The following ZFAT variants were observed in gnomAD, a reference collection of about 807,000 sequenced individuals.
ZFAT encodes zinc finger and AT-hook domain containing, also known as zinc finger protein ZFAT.
ZFAT carries 64 observed loss-of-function variants against 117.7 expected under a neutral mutation model. That is an observed-to-expected ratio of 0.54 (90% confidence interval 0.44 to 0.67). The LOEUF is 0.67. ZFAT is among the 30% of genes least tolerant of loss of function. The pLI is 0.00. For missense variants in ZFAT, 1,433 were observed against 1,584.5 expected (o/e 0.90, Z 1.62); for synonymous variants, 679 against 615.0 (o/e 1.10, Z -1.54).
At chr8:134,671,385 C>T (rs1832555218) in intron 1 of ZFAT, among the ~76,000 whole-genome samples, 2 of 152,200 alleles carry the variant, frequency 1.3e-5, no homozygotes, top group South Asian at 4.1e-4. Context: ...TCCGGCAGCA[C>T]ATCAAAAAGC....
At chr8:134,491,476 T>G (rs1303132467) in intron 15 of ZFAT, among the ~76,000 whole-genome samples, 2 of 152,252 alleles carry the variant, frequency 1.3e-5, no homozygotes, top group Non-Finnish European at 2.9e-5. Flanking sequence ...AAATGTATCA[T>G]TTTTCAGTTC....
In ZFAT at chr8:134,540,696, T is replaced by A. The variant is rs1822185649; in HGVS notation, c.2977-7724A>T. ...GTAAAAAGACTTTTAAAATGTTGCA[T>A]GTTAAGCCACTTAGAAACACTAACC... On this transcript the variant is annotated intron_variant, in intron 11 of 15. Transcript: ENST00000377838. Among the ~76,000 whole-genome samples, 3 of 152,258 alleles carry A rather than the reference T, an allele frequency of 2.0e-5. No homozygotes were observed. In the South Asian group the frequency reaches 6.2e-4, roughly 31 times the overall value.
At chr8:134,734,096 G>T in the ZFAT span, among the ~76,000 whole-genome samples, 1 of 152,248 alleles carries the variant, frequency 6.6e-6, no homozygotes, top group Non-Finnish European at 1.5e-5. Context: ...TTTTTGCCAT[G>T]ACGCTGCTGT....
chr8:134,782,810 G>A, the ZFAT span, among the ~76,000 whole-genome samples: 39 of 151,796 alleles, frequency 2.6e-4, no homozygotes, highest in Non-Finnish European at 4.9e-4. Context: ...ACCCAGTCTC[G>A]GGTATGTCTT....
At chr8:134,809,798 T>C in the ZFAT span, among the ~76,000 whole-genome samples, 12 of 152,314 alleles carry the variant, frequency 7.9e-5, no homozygotes, top group East Asian at 7.7e-4. Context: ...TATTAAACTA[T>C]AGGGCATTCA....
At chr8:134,651,835 C>T (rs1831265436) in intron 2 of ZFAT, among the ~76,000 whole-genome samples, 1 of 152,012 alleles carries the variant, frequency 6.6e-6, no homozygotes, top group Non-Finnish European at 1.5e-5. Flanking sequence ...TACCTGGATG[C>T]ATCACAGTAA....
At chr8:134,758,916 C>T in the ZFAT span, among the ~76,000 whole-genome samples, 27 of 152,208 alleles carry the variant, frequency 1.8e-4, no homozygotes, top group Middle Eastern at 3.4e-3. Context: ...TGATGTGGTG[C>T]TCCACCTTTG....
At chr8:134,661,528 G>C (rs1831932037) in intron 1 of ZFAT, among the ~76,000 whole-genome samples, 1 of 152,236 alleles carries the variant, frequency 6.6e-6, no homozygotes, top group Non-Finnish European at 1.5e-5. Flanking sequence ...ATTGGAAACA[G>C]CATCTGGCTA....
chr8:134,749,531 A>G, the ZFAT span, among the ~76,000 whole-genome samples: 23 of 152,110 alleles, frequency 1.5e-4, no homozygotes, highest in Non-Finnish European at 2.9e-4. Context: ...GCCCTCATCA[A>G]TCACCTCCCA....
At chr8:134,817,394 T>TACACACACACACAC in the ZFAT span, among the ~76,000 whole-genome samples, 1 of 125,980 alleles carries the variant, frequency 7.9e-6, no homozygotes, top group Non-Finnish European at 1.7e-5. Flanking sequence ...TCTCTCTCTC[T>TACACACACACACAC]ACACACACAC....
chr8:134,629,151 G>A (rs566554764), intron 3 of ZFAT, among the ~76,000 whole-genome samples: 16 of 152,270 alleles, frequency 1.1e-4, no homozygotes, highest in Admixed American at 6.5e-4. Context: ...GGGATGTGAC[G>A]GGGATGTTTC....
At chr8:134,517,986 G>A (rs1158952653) in intron 13 of ZFAT, among the ~76,000 whole-genome samples, 1 of 152,148 alleles carries the variant, frequency 6.6e-6, no homozygotes, top group Non-Finnish European at 1.5e-5. Flanking sequence ...CCACCATAAA[G>A]TTCCTATTTT....
rs145827707 is a variant in ZFAT at position 134,490,644 on chromosome 8, C to T, written c.3493-11923G>A. 9.7e-3 allele frequency among the ~76,000 whole-genome samples: 1,473 copies of T among 152,332 alleles called. 17 individuals are homozygous for T. Among genetic ancestry groups the T allele is most frequent in the Non-Finnish European group, 0.015 (1,003 of 68,034 alleles). On this transcript the variant is annotated intron_variant, in intron 15 of 15. Transcript: ENST00000377838. ...GGGCTGCTGTCTGGAATTGATATAA[C>T]CAGCTCCCCATTACTGAAGTTATGC...
the ZFAT span, among the ~76,000 whole-genome samples, chr8:134,789,306 T>A: frequency 6.6e-6 from 1 of 152,186 alleles, no homozygotes; most frequent in Non-Finnish European, 1.5e-5. Context: ...TTATTGTAGG[T>A]GCATTTTAAT....
At chr8:134,592,765 A>G (rs1055775840) in intron 7 of ZFAT, among the ~76,000 whole-genome samples, 3 of 152,122 alleles carry the variant, frequency 2.0e-5, no homozygotes, top group Non-Finnish European at 4.4e-5. Flanking sequence ...GATCTGAAGG[A>G]GCACCCTCCA....
chr8:134,677,883 G>A (rs36176910), intron 1 of ZFAT, among the ~76,000 whole-genome samples: 11,909 of 152,150 alleles, frequency 0.078, 620 homozygotes, highest in African/African-American at 0.15. Flanking sequence ...AAAGGCCTTC[G>A]ACAAAATTCA....
chr8:134,485,676 T>C (rs1008970501), intron 15 of ZFAT, among the ~76,000 whole-genome samples: 1 of 152,128 alleles, frequency 6.6e-6, no homozygotes, highest in Admixed American at 6.5e-5. Context: ...TCTTTCTGTG[T>C]CAGAGGCTGC....
At chr8:134,697,867 C>T (rs1444696875) in intron 1 of ZFAT, among the ~76,000 whole-genome samples, 1 of 149,800 alleles carries the variant, frequency 6.7e-6, no homozygotes, top group Non-Finnish European at 1.5e-5. Flanking sequence ...AGGCGTGAGC[C>T]ACCGCACCCA....
chr8:134,688,428 A>C (rs1020550709), intron 1 of ZFAT, among the ~76,000 whole-genome samples: 4 of 152,248 alleles, frequency 2.6e-5, no homozygotes, highest in African/African-American at 9.6e-5. Flanking sequence ...CAGGCAATTC[A>C]GAAGCTTTTT....
Sources: allele counts gnomAD v4.1 joint callset (sites outside exome capture counted in the v4.1 genomes callset), GRCh38; gene constraint gnomAD v4.1.1; transcripts MANE v1.5; gene names NCBI Gene and HGNC (gene_info 2026-07-23, HGNC 2026-07-21).